Variants in RAE1 observed in about 807,000 individuals in gnomAD.
The protein encoded by RAE1 is mRNA export factor RAE1.
Under a neutral mutation model 52.7 loss-of-function variants are expected in RAE1, and 13 were observed. That is an observed-to-expected ratio of 0.25 (90% CI 0.16 to 0.39). The LOEUF is 0.39. Among genes scored for constraint, RAE1 ranks in the 10% least tolerant of loss-of-function variants. The pLI, the probability that RAE1 is intolerant of heterozygous loss-of-function variation, is 1.00. For missense variants in RAE1, 262 were observed against 459.8 expected (o/e 0.57, Z 3.93); for synonymous variants, 164 against 153.1 (o/e 1.07, Z -0.52).
chr20:57,353,843 A>G (rs2066745889), intron 1 of RAE1, among the ~76,000 whole-genome samples, 189 bp from the exon 2 acceptor site: 1 of 152,220 alleles, frequency 6.6e-6, no homozygotes, highest in East Asian at 1.9e-4. Context: ...ATTTCTGGAA[A>G]CCTAAAACTA....
intron 8 of RAE1, chr20:57,370,985 G>C (rs1435573564): frequency 1.3e-5 from 2 of 152,230 alleles, no homozygotes; most frequent in East Asian, 3.9e-4. Flanking sequence ...GAAATCTTGA[G>C]GTCACCCCTG....
At chr20:57,359,040 T>A (rs1269695001) in intron 4 of RAE1, 32 of 1,513,058 alleles carry the variant, frequency 2.1e-5, no homozygotes, top group Non-Finnish European at 2.6e-5. Context: ...GTGTGGCCAT[T>A]CATTCAAGTC....
At chr20:57,357,958 C>T (rs887020035) in intron 4 of RAE1, 23 of 149,826 alleles carry the variant, frequency 1.5e-4, no homozygotes, top group African/African-American at 5.1e-4. Context: ...CATATGAAAT[C>T]GTGTGGGCCA....
chr20:57,360,825 C>T (rs928886854), intron 4 of RAE1, among the ~76,000 whole-genome samples: 1 of 152,086 alleles, frequency 6.6e-6, no homozygotes. Flanking sequence ...CTGCTGTTTC[C>T]TGTGGGGGTG....
At chr20:57,375,843 T>TC (rs1411198303) in intron 11 of RAE1, among the ~76,000 whole-genome samples, 1 of 152,202 alleles carries the variant, frequency 6.6e-6, no homozygotes, top group Admixed American at 6.5e-5. Flanking sequence ...CATACAGCTC[T>TC]CCTCCCTGCT....
intron 3 of RAE1, 131 bp downstream of exon 3, chr20:57,354,947 T>C: frequency 1.6e-6 from 1 of 631,660 alleles, no homozygotes. Context: ...GAAATCAATT[T>C]AGGGGGTGTG....
intron 4 of RAE1, among the ~76,000 whole-genome samples, chr20:57,361,304 A>G (rs796906507): frequency 2.1e-4 from 32 of 152,286 alleles, no homozygotes; most frequent in African/African-American, 7.2e-4. Flanking sequence ...TAGTTAATCT[A>G]TTATACATAG....
At chr20:57,366,546 G>C (rs1453402502) in intron 5 of RAE1, among the ~76,000 whole-genome samples, 1 of 152,172 alleles carries the variant, frequency 6.6e-6, no homozygotes, top group African/African-American at 2.4e-5. Context: ...TAACACAGGA[G>C]GGATCCGCCC....
intron 8 of RAE1, 87 bp from the exon 9 acceptor site, chr20:57,373,388 A>G: frequency 1.5e-6 from 2 of 1,327,290 alleles, no homozygotes; most frequent in Admixed American, 3.9e-5. Context: ...TAAAACCTAA[A>G]CATGGGGTAA....
chr20:57,373,112 C>G, intron 8 of RAE1: 1 of 259,178 alleles, frequency 3.9e-6, no homozygotes, highest in African/African-American at 2.3e-5. Flanking sequence ...GCAGAAGCTT[C>G]GGGTGACCTC....
Position 57,368,692 on chromosome 20 carries a change from T to C in RAE1, c.535-13T>C, listed in dbSNP as rs1174387634. On this transcript the variant is annotated splice_polypyrimidine_tract_variant and intron_variant, in intron 7 of 11. Transcript: ENST00000395841. ...TCACCTGAAGCGCATCTCTGTTTTCTTCCATTCCCTAGATATACCCCATGG... is the reference window on the plus strand; with the variant it reads ...TCACCTGAAGCGCATCTCTGTTTTCCTCCATTCCCTAGATATACCCCATGG... The C allele has an allele frequency of 1.9e-6, 3 of 1,587,142 alleles. No homozygotes were observed. The highest frequency in any genetic ancestry group is 2.6e-6 in the Non-Finnish European group (3 of 1,156,324).
chr20:57,366,985 T>G (rs901911772), intron 6 of RAE1, 23 bp from the exon 7 acceptor site: 1 of 1,599,060 alleles, frequency 6.3e-7, no homozygotes, highest in Admixed American at 1.7e-5. Context: ...GGTCACATAC[T>G]GGCTTCTCTT....
intron 4 of RAE1, among the ~76,000 whole-genome samples, chr20:57,363,773 G>T (rs1215404787): frequency 6.6e-6 from 1 of 152,238 alleles, no homozygotes; most frequent in African/African-American, 2.4e-5. Context: ...CCTATTGTAT[G>T]CTAAATCCTG....
At chr20:57,374,511 C>T (rs902016734) in intron 10 of RAE1, 96 bp from the exon 11 acceptor site, 10 of 1,116,372 alleles carry the variant, frequency 9.0e-6, no homozygotes, top group African/African-American at 1.6e-5. Flanking sequence ...TGTACCTGTG[C>T]GCTTTGTTTC....
intron 1 of RAE1, chr20:57,351,865 C>T: frequency 2.0e-6 from 2 of 985,428 alleles, no homozygotes; most frequent in South Asian, 4.7e-5. Context: ...CTTAGCCCGC[C>T]AAGTATTTAT....
At position 57,356,632 on chromosome 20, in the gene RAE1, T is replaced by C. The variant is rs570107432; in HGVS notation, c.288+94T>C. On this transcript the variant is annotated intron_variant, in intron 4 of 11. Coordinates refer to ENST00000395841, the MANE Select transcript of RAE1 (RefSeq NM_003610.4). ...TCCAAACACAAATAGCATATATGTG[T>C]TCATATTGTAGGAATTCTAAGTTTC... is the stretch of plus-strand genomic sequence containing the variant. 55 of 1,098,898 alleles carry C rather than the reference T, an allele frequency of 5.0e-5. No individual in the cohort carries two copies. The African/African-American group carries it at 8.0e-4, about 16-fold the overall frequency. The allele number at this position is 1,098,898 out of a possible 1,614,324, so 68.1% of individuals were successfully genotyped here.
chr20:57,373,432 T>A, intron 8 of RAE1, 43 bp from the exon 9 acceptor site: 3 of 1,566,992 alleles, frequency 1.9e-6, no homozygotes, highest in Non-Finnish European at 2.6e-6. Context: ...CATGAAATCT[T>A]ATATTATGCT....
chr20:57,378,027 T>C lies in RAE1; in HGVS notation c.1035T>C (p.Tyr345=). The C allele has an allele frequency of 6.2e-7, 1 of 1,611,160 alleles. No homozygotes were observed. The highest frequency in any genetic ancestry group is 1.1e-5 in the South Asian group (1 of 90,910). ...SYDWSKGHEF[Y]NPQKKNYIFL... ...GCTCTCTTTAGGGACATGAATTTTA[T>C]AATCCCCAGAAAAAAAATTACATTT... The change falls in exon 12 of 12, where the codon TAT becomes TAC. Residue 345 remains tyrosine, a synonymous_variant. Transcript: ENST00000395841.
rs556601108 is a variant in RAE1 at position 57,353,217 on chromosome 20, A to G, written c.-7-815A>G. Among the ~76,000 whole-genome samples the G allele has an allele frequency of 2.6e-3, 401 of 152,360 alleles. 1 individual carries two copies. Among genetic ancestry groups the G allele is most frequent in the African/African-American group, 9.2e-3 (382 of 41,580 alleles). Reference sequence around the variant, plus strand: ...AGTTGGAAGGAAAAAAGAAGGGAAAAGTCGTTTATTGTACCCACTATGAAC... The same window carrying G: ...AGTTGGAAGGAAAAAAGAAGGGAAAGGTCGTTTATTGTACCCACTATGAAC... On this transcript the variant is annotated intron_variant, in intron 1 of 11. Coordinates refer to ENST00000395841, the MANE Select transcript of RAE1 (RefSeq NM_003610.4).
Sources: allele counts gnomAD v4.1 joint callset (sites outside exome capture counted in the v4.1 genomes callset), GRCh38; gene constraint gnomAD v4.1.1; transcripts MANE v1.5; gene names NCBI Gene and HGNC (gene_info 2026-07-23, HGNC 2026-07-21).